Variants in AKAP9 observed in about 807,000 individuals in gnomAD.
AKAP9 encodes the protein A-kinase anchoring protein 9.
A neutral mutation model predicts 488.5 loss-of-function variants in AKAP9; 311 were observed. The ratio of observed to expected loss-of-function variants is 0.64; its 90% CI spans 0.58 to 0.70. The LOEUF is 0.70. Ranked by LOEUF, AKAP9 falls within the 30% of genes least tolerant of loss-of-function variation. The pLI, the probability that AKAP9 is intolerant of heterozygous loss-of-function variation, is 0.00. For missense variants in AKAP9, 4,215 were observed against 4,374.5 expected (o/e 0.96, Z 1.03); for synonymous variants, 1,462 against 1,483.5 (o/e 0.99, Z 0.33).
chr7:92,089,674 T>C lies in AKAP9; in HGVS notation c.9358+145T>C, dbSNP rs1180316679. The C allele has an allele frequency of 1.1e-5, 10 of 930,372 alleles. No homozygotes were observed. In the East Asian group the frequency reaches 1.4e-4, roughly 13 times the overall value. 57.6% of individuals were successfully genotyped at this position (930,372 alleles called of 1,614,324 possible). ...CATAATGTTAAGGATACAATCTATA[T>C]TAATTACTCTAGGGGTTAGAGGATT... On this transcript the variant is annotated intron_variant, in intron 38 of 49. Transcript: ENST00000356239.
chr7:92,107,142 C>G (rs937412604), intron 47 of AKAP9, 151 bp from the exon 48 acceptor site: 5 of 807,294 alleles, frequency 6.2e-6, no homozygotes, highest in Non-Finnish European at 9.4e-6. Flanking sequence ...GTACTGTTTT[C>G]TCCTTTATCA....
At chr7:92,063,203 A>G (rs1240971290) in intron 24 of AKAP9, among the ~76,000 whole-genome samples, 9 of 152,186 alleles carry the variant, frequency 5.9e-5, no homozygotes, top group Non-Finnish European at 1.0e-4. Context: ...TTTTTGTAAT[A>G]TAGTGAAGTT....
At chr7:92,091,592 AAAAAAC>A in intron 38 of AKAP9, among the ~76,000 whole-genome samples, 1 of 150,328 alleles carries the variant, frequency 6.7e-6, no homozygotes, top group African/African-American at 2.4e-5. Context: ...TCTCAAAAAA[AAAAAAC>A]AAAAAAAAAA....
intron 40 of AKAP9, among the ~76,000 whole-genome samples, chr7:92,096,022 G>A (rs1021918036): frequency 1.1e-4 from 17 of 152,118 alleles, no homozygotes; most frequent in South Asian, 6.2e-4. Context: ...ATTATATCAG[G>A]AACATTTATT....
intron 8 of AKAP9, among the ~76,000 whole-genome samples, chr7:92,008,165 C>G (rs558208154): frequency 2.0e-5 from 3 of 151,486 alleles, no homozygotes; most frequent in Non-Finnish European, 4.4e-5. Flanking sequence ...GTCAGGAGTT[C>G]AAGATTGACC....
At position 92,070,234 on chromosome 7, in the gene AKAP9, A is replaced by G. The variant is rs189157388; in HGVS notation, c.6507+28A>G. On this transcript the variant is annotated intron_variant, in intron 27 of 49. Transcript: ENST00000356239. The stretch of plus-strand genomic sequence containing the variant: ...GTGGCATTTTATTTGGGCTAACTTA[A>G]TAAGTGTTTTAATGAAGAATACTCT... The G allele has an allele frequency of 1.1e-4, 184 of 1,611,492 alleles. 3 individuals are homozygous for G. In the Admixed American group the frequency reaches 2.6e-3, roughly 23 times the overall value.
In AKAP9 at chr7:92,040,813, C is replaced by T. The variant is rs1430748591; in HGVS notation, c.4832C>T (p.Ala1611Val). The change falls in exon 18 of 50, where the codon GCA becomes GTA. Residue 1611 changes from alanine to valine, a missense_variant. This residue lies in a region of AKAP9 where 2,361 missense variants were observed against 2,430.0 expected (regional missense o/e 0.97). Transcript: ENST00000356239. ...CAGGCAACGGAATTGTTAAGGCAAG[C>T]ACATATGCGGCAAATGGAGAGACAG... is the stretch of plus-strand genomic sequence containing the variant. ...HQQATELLRQAHMRQMERQRE... is the reference protein window; with the variant it reads ...HQQATELLRQVHMRQMERQRE... The T allele has an allele frequency of 5.0e-6, 8 of 1,613,758 alleles. No individual in the cohort carries two copies. The East Asian group carries it at 1.8e-4, about 36-fold the overall frequency.
chr7:92,038,630 T>C lies in AKAP9; in HGVS notation c.4550T>C (p.Leu1517Pro), dbSNP rs763681864. ...DVKFKEEFKP[L>P]SKELGEHGKE... ...AAATTTAAAGAAGAATTTAAACCAC[T>C]TAGTAAAGAGTTAGGAGAACATGGA... Residue 1517 changes from leucine (L) to proline (P), a missense_variant, in exon 17 of 50, where the codon CTT (leucine) becomes CCT (proline). Physicochemically the swap from Leu to Pro is moderately conservative, Grantham distance 98 (BLOSUM62 -3). Coordinates refer to ENST00000356239, the MANE Select transcript of AKAP9 (RefSeq NM_005751.5). The C allele has an allele frequency of 9.9e-6, 16 of 1,613,582 alleles. No homozygotes were observed. The highest frequency in any genetic ancestry group is 1.4e-5 in the Non-Finnish European group (16 of 1,179,770).
At chr7:91,957,526 T>G (rs892783162) in intron 1 of AKAP9, among the ~76,000 whole-genome samples, 1 of 152,198 alleles carries the variant, frequency 6.6e-6, no homozygotes, top group Non-Finnish European at 1.5e-5. Flanking sequence ...AGTAGAATAA[T>G]GGAATCACAA....
intron 8 of AKAP9, among the ~76,000 whole-genome samples, chr7:92,006,619 C>T (rs1158505875): frequency 6.6e-6 from 1 of 152,114 alleles, no homozygotes; most frequent in Non-Finnish European, 1.5e-5. Flanking sequence ...CAGAAGAAAT[C>T]GAGCAGTGAC....
At position 92,097,161 on chromosome 7, in the gene AKAP9, G is replaced by A. The variant is rs1374385673; in HGVS notation, c.10202G>A (p.Gly3401Glu). The A allele has an allele frequency of 5.6e-6, 9 of 1,613,820 alleles. No homozygotes were observed. The highest frequency in any genetic ancestry group is 7.6e-6 in the Non-Finnish European group (9 of 1,179,920). ...ACAGAACAGGAGGCCAACACTGAGG[G>A]ACAGAAAAAAATGCATGAGCTCCAG... The part of the protein sequence containing the change: ...LQTEQEANTE[G>E]QKKMHELQSK... Residue 3401 changes from glycine to glutamate, a missense_variant, in exon 41 of 50, where the codon GGA (glycine) becomes GAA (glutamate). By Grantham distance (98) the Gly-to-Glu change is moderately conservative. This residue lies in a region of AKAP9 where 1,476 missense variants were observed against 1,477.4 expected (regional missense o/e 1.00). Transcript: ENST00000356239.
intron 26 of AKAP9, among the ~76,000 whole-genome samples, chr7:92,069,222 T>A (rs1463894281): frequency 6.6e-6 from 1 of 152,210 alleles, no homozygotes; most frequent in Non-Finnish European, 1.5e-5. Context: ...TTTATTTAGG[T>A]CATTTTATCT....
intron 10 of AKAP9, 31 bp downstream of exon 10, chr7:92,014,359 G>A: frequency 6.8e-7 from 1 of 1,474,572 alleles, no homozygotes; most frequent in African/African-American, 1.4e-5. Context: ...TTTATGGCCA[G>A]ATGTGGTGGC....
intron 16 of AKAP9, among the ~76,000 whole-genome samples, chr7:92,034,496 ATATTTT>A (rs1384661950): frequency 2.9e-5 from 3 of 104,278 alleles, no homozygotes; most frequent in African/African-American, 7.9e-5. Flanking sequence ...ATATATATAT[ATATTTT>A]TTTTTTTTTT....
chr7:92,087,886 A>T (rs1563122165), intron 37 of AKAP9, among the ~76,000 whole-genome samples: 1 of 150,702 alleles, frequency 6.6e-6, no homozygotes, highest in Non-Finnish European at 1.5e-5. Flanking sequence ...TAAATAAATA[A>T]ATATATATAT....
At chr7:92,056,690 A>G (rs894098255) in intron 22 of AKAP9, among the ~76,000 whole-genome samples, 1 of 151,870 alleles carries the variant, frequency 6.6e-6, no homozygotes, top group African/African-American at 2.4e-5. Context: ...CTGGCTTTCT[A>G]TAGAAAATGT....
intron 1 of AKAP9, among the ~76,000 whole-genome samples, chr7:91,944,619 TTA>T (rs1210537814): frequency 6.6e-6 from 1 of 152,192 alleles, no homozygotes; most frequent in Non-Finnish European, 1.5e-5. Context: ...ACTCCTGCCG[TTA>T]AGTGATCTGC....
intron 24 of AKAP9, 108 bp from the exon 25 acceptor site, chr7:92,065,123 A>G: frequency 1.6e-6 from 1 of 637,904 alleles, no homozygotes. Context: ...ATTTAAAATA[A>G]TTCTCAGCCT....
chr7:92,102,859 T>C (rs1328310540), intron 46 of AKAP9, 33 bp downstream of exon 46: 2 of 1,527,124 alleles, frequency 1.3e-6, no homozygotes. Flanking sequence ...ATTTTACTAG[T>C]AGACTCTCTA....
Sources: allele counts gnomAD v4.1 joint callset (sites outside exome capture counted in the v4.1 genomes callset), GRCh38; gene constraint gnomAD v4.1.1; regional missense constraint gnomAD v4.1.1; transcripts MANE v1.5; gene names NCBI Gene and HGNC (gene_info 2026-07-23, HGNC 2026-07-21).